DAB1: variants seen among roughly 807,000 people sequenced by gnomAD.
The protein encoded by DAB1 is DAB adaptor protein 1, also known as disabled homolog 1.
A neutral mutation model predicts 64.6 loss-of-function variants in DAB1; 15 were observed. That is an observed-to-expected ratio of 0.23 (90% CI 0.16 to 0.36). The LOEUF (loss-of-function observed/expected upper bound fraction) is 0.36. Among genes scored for constraint, DAB1 ranks in the 10% least tolerant of loss-of-function variants. The pLI is 1.00. For synonymous variants in DAB1, 235 were observed against 251.9 expected, an observed-to-expected ratio of 0.93 and a Z score of 0.64; for missense variants, 596 against 706.7, an observed-to-expected ratio of 0.84 and a Z score of 1.78.
intron 1 of DAB1, among the ~76,000 whole-genome samples, chr1:57,305,752 G>C (rs572659435): frequency 6.6e-6 from 1 of 152,088 alleles, no homozygotes; most frequent in Non-Finnish European, 1.5e-5. Flanking sequence ...GGCAGATCAC[G>C]AGGTCAGGAG....
chr1:58,287,061 T>C (rs113910480), intron 4 of DAB1, among the ~76,000 whole-genome samples: 7 of 152,136 alleles, frequency 4.6e-5, no homozygotes, highest in Non-Finnish European at 2.9e-5. Flanking sequence ...AGCAAACTAA[T>C]GCAGGAACAG....
At chr1:57,996,732 G>A (rs1328158018) in intron 5 of DAB1, among the ~76,000 whole-genome samples, 3 of 152,126 alleles carry the variant, frequency 2.0e-5, no homozygotes, top group South Asian at 2.1e-4. Flanking sequence ...CTGGGCTGTG[G>A]TCTTATCAAA....
intron 2 of DAB1, among the ~76,000 whole-genome samples, chr1:57,244,270 T>C (rs1403814441): frequency 1.3e-5 from 2 of 152,230 alleles, no homozygotes; most frequent in Non-Finnish European, 1.5e-5. Context: ...CACCATACTT[T>C]TCTGTCTTTG....
intron 1 of DAB1, among the ~76,000 whole-genome samples, chr1:57,377,941 T>C (rs1278679087): frequency 6.6e-6 from 1 of 152,128 alleles, no homozygotes; most frequent in Admixed American, 6.6e-5. Context: ...GACTGTGACG[T>C]CTGGTGGAGG....
rs774828157 is a variant in DAB1 at position 57,355,277 on chromosome 1, A to AT, written c.-136-64112dup. ...TAAATTCCTTTCCTTCCTGGCATAC[A>AT]TTTTTTTTTCCATCCTTGGTTCTTA... On this transcript the variant is annotated intron_variant, in intron 1 of 14. Coordinates refer to ENST00000371236, the MANE Select transcript of DAB1 (RefSeq NM_001365792.1). 2.3e-3 allele frequency among the ~76,000 whole-genome samples: 316 copies of AT among 137,252 alleles called. 1 individual carries two copies. Among genetic ancestry groups the AT allele is most frequent in the African/African-American group, 4.9e-3 (174 of 35,696 alleles). 90.0% of individuals were successfully genotyped at this position (137,252 alleles called of 152,430 possible).
At chr1:57,817,806 C>T (rs931295751) in intron 6 of DAB1, among the ~76,000 whole-genome samples, 12 of 152,254 alleles carry the variant, frequency 7.9e-5, no homozygotes, top group Admixed American at 2.6e-4. Context: ...AAATGTCACT[C>T]TTCACCCAAG....
rs80324984 is a variant in DAB1 at position 58,503,186 on chromosome 1, A to G, written n.257+2874T>C. Among the ~76,000 whole-genome samples, 205 of 152,318 alleles carry G rather than the reference A, an allele frequency of 1.3e-3. 1 individual carries two copies. The highest frequency in any genetic ancestry group is 4.8e-3 in the African/African-American group (198 of 41,576). ...CATATTTTTAGAATTTCATTGAGCG[A>G]AAATAAAAAGAAAAAAAATTCAAGA... is the stretch of plus-strand genomic sequence containing the variant. On this transcript the variant is annotated intron_variant and non_coding_transcript_variant, in intron 3 of 20. Transcript: ENST00000485760.
chr1:57,993,727 T>C (rs922379290), intron 5 of DAB1, among the ~76,000 whole-genome samples: 1 of 151,914 alleles, frequency 6.6e-6, no homozygotes, highest in Non-Finnish European at 1.5e-5. Flanking sequence ...GATGCAAATG[T>C]CACGTTTTAG....
intron 5 of DAB1, among the ~76,000 whole-genome samples, chr1:58,127,517 G>A (rs1653196404): frequency 6.6e-6 from 1 of 151,836 alleles, no homozygotes; most frequent in Non-Finnish European, 1.5e-5. Context: ...TGGTGTTTTA[G>A]ACATGAAGTC....
intron 5 of DAB1, among the ~76,000 whole-genome samples, chr1:58,129,426 T>C (rs1452169147): frequency 1.1e-3 from 149 of 132,866 alleles, no homozygotes; most frequent in African/African-American, 4.1e-3. Context: ...ATTCATTAAT[T>C]TTTTGAAGGG....
chr1:57,976,282 C>T (rs1213681623), intron 5 of DAB1, among the ~76,000 whole-genome samples: 1 of 152,174 alleles, frequency 6.6e-6, no homozygotes, highest in East Asian at 1.9e-4. Context: ...TCAGCAGCCA[C>T]CACCAAACCA....
At chr1:58,533,012 T>G (rs1161563968) in intron 1 of DAB1, among the ~76,000 whole-genome samples, 1 of 152,252 alleles carries the variant, frequency 6.6e-6, no homozygotes, top group African/African-American at 2.4e-5. Context: ...ATGTTACTTG[T>G]ATTTCTGATT....
chr1:57,541,504 CCAGTATAACAAAGGAGG>C, intron 7 of DAB1, among the ~76,000 whole-genome samples: 1 of 152,140 alleles, frequency 6.6e-6, no homozygotes, highest in Admixed American at 6.5e-5. Flanking sequence ...CTTCATAGTG[CCAGTATAACAAAGGAGG>C]CTTTCTGAGA....
intron 3 of DAB1, among the ~76,000 whole-genome samples, chr1:58,367,023 C>A (rs746267126): frequency 6.6e-6 from 1 of 151,942 alleles, no homozygotes; most frequent in Non-Finnish European, 1.5e-5. Flanking sequence ...ACACTTTTTT[C>A]TTTCTTAAAG....
chr1:57,997,672 G>A (rs568600500), intron 5 of DAB1, among the ~76,000 whole-genome samples: 2 of 152,220 alleles, frequency 1.3e-5, no homozygotes, highest in East Asian at 1.9e-4. Flanking sequence ...TGGGGGTGAA[G>A]ACTAGGGAGA....
At chr1:57,074,891 G>T (rs1451866798) in intron 4 of DAB1, among the ~76,000 whole-genome samples, 1 of 152,114 alleles carries the variant, frequency 6.6e-6, no homozygotes, top group African/African-American at 2.4e-5. Flanking sequence ...GCTAGCAGAG[G>T]AAAATTGCTC....
chr1:57,092,429 A>G (rs988366249), intron 4 of DAB1, among the ~76,000 whole-genome samples: 2 of 152,012 alleles, frequency 1.3e-5, no homozygotes, highest in Non-Finnish European at 2.9e-5. Flanking sequence ...TGCTGTTCTC[A>G]TGATAGTGAG....
intron 7 of DAB1, among the ~76,000 whole-genome samples, chr1:57,471,957 G>T (rs1235926880): frequency 6.6e-6 from 1 of 152,204 alleles, no homozygotes; most frequent in African/African-American, 2.4e-5. Context: ...GTGTAGACTG[G>T]AGAAATCAAG....
chr1:57,797,731 A>G (rs1014116187), intron 6 of DAB1, among the ~76,000 whole-genome samples: 4 of 152,194 alleles, frequency 2.6e-5, no homozygotes, highest in Non-Finnish European at 5.9e-5. Context: ...TACAATAACT[A>G]TTTGTGTAGC....
Sources: gnomAD v4.1 joint callset for allele counts (sites outside exome capture counted in the v4.1 genomes callset) on GRCh38, gnomAD v4.1.1 for gene constraint, MANE v1.5 for transcripts, NCBI Gene and HGNC (gene_info 2026-07-23, HGNC 2026-07-21) for gene names.